The following EYA2 variants were observed in gnomAD, a reference collection of about 807,000 sequenced individuals.
EYA2 encodes the protein protein phosphatase EYA2.
Under a neutral mutation model 69.2 loss-of-function variants are expected in EYA2, and 31 were observed. The ratio of observed to expected loss-of-function variants is 0.45; its 90% CI spans 0.34 to 0.60. The LOEUF (loss-of-function observed/expected upper bound fraction) is 0.60. Among genes scored for constraint, EYA2 ranks in the 20% least tolerant of loss-of-function variants. EYA2 has a pLI of 0.02. For missense variants in EYA2, 622 were observed against 701.2 expected, an observed-to-expected ratio of 0.89 and a Z score of 1.28; for synonymous variants, 257 against 279.4, an observed-to-expected ratio of 0.92 and a Z score of 0.80.
intron 7 of EYA2, among the ~76,000 whole-genome samples, chr20:47,076,784 C>T (rs992286833): frequency 2.0e-5 from 3 of 152,178 alleles, no homozygotes; most frequent in Non-Finnish European, 4.4e-5. Context: ...TCTGAATTTT[C>T]CTGGGTTCGT....
At chr20:47,025,426 T>C (rs1984024220) in intron 5 of EYA2, among the ~76,000 whole-genome samples, 1 of 152,246 alleles carries the variant, frequency 6.6e-6, no homozygotes, top group African/African-American at 2.4e-5. Flanking sequence ...CTATGCACAC[T>C]CTTCTGCACT....
intron 5 of EYA2, among the ~76,000 whole-genome samples, chr20:47,067,426 C>A (rs1568757045): frequency 6.6e-6 from 1 of 151,994 alleles, no homozygotes. Flanking sequence ...AATGTACATT[C>A]TCAAATAACT....
At chr20:46,911,408 A>C (rs1255973008) in intron 1 of EYA2, among the ~76,000 whole-genome samples, 6 of 152,194 alleles carry the variant, frequency 3.9e-5, no homozygotes, top group African/African-American at 1.4e-4. Flanking sequence ...GTTCTTCTGC[A>C]TGGCACCCGG....
intron 9 of EYA2, among the ~76,000 whole-genome samples, chr20:47,099,573 AC>A (rs917067133): frequency 4.6e-5 from 7 of 152,206 alleles, no homozygotes; most frequent in Admixed American, 4.6e-4. Flanking sequence ...ACAAATGCTA[AC>A]TGTGGAAGGT....
chr20:47,152,057 A>G (rs2033833528), intron 10 of EYA2, among the ~76,000 whole-genome samples: 1 of 152,052 alleles, frequency 6.6e-6, no homozygotes, highest in Admixed American at 6.5e-5. Flanking sequence ...TTATCTGCAG[A>G]ACTCTAGAGG....
intron 9 of EYA2, among the ~76,000 whole-genome samples, chr20:47,098,930 C>T (rs921867922): frequency 3.3e-5 from 5 of 152,184 alleles, no homozygotes; most frequent in Admixed American, 1.3e-4. Context: ...TGTTTTTGGT[C>T]CTTGAACCTG....
intron 1 of EYA2, among the ~76,000 whole-genome samples, chr20:46,965,352 A>C (rs1979708533): frequency 6.6e-6 from 1 of 152,196 alleles, no homozygotes; most frequent in African/African-American, 2.4e-5. Flanking sequence ...TCGAATCCTT[A>C]ATCCCTTCTC....
At chr20:47,023,637 T>TTG (rs1555813787) in intron 5 of EYA2, among the ~76,000 whole-genome samples, 4 of 99,394 alleles carry the variant, frequency 4.0e-5, no homozygotes, top group Admixed American at 1.9e-4. Flanking sequence ...TGGGTGTTTT[T>TTG]TTTTTTTTTT....
intron 5 of EYA2, among the ~76,000 whole-genome samples, chr20:47,068,076 C>T (rs1281395175): frequency 6.6e-6 from 1 of 152,182 alleles, no homozygotes; most frequent in Non-Finnish European, 1.5e-5. Flanking sequence ...GCTTCACAGC[C>T]TACTAGCTTT....
At chr20:47,131,557 G>A (rs1322190964) in intron 9 of EYA2, among the ~76,000 whole-genome samples, 1 of 152,196 alleles carries the variant, frequency 6.6e-6, no homozygotes, top group Non-Finnish European at 1.5e-5. Flanking sequence ...TTGCAGCTGT[G>A]ATTATGTGTC....
intron 10 of EYA2, among the ~76,000 whole-genome samples, chr20:47,151,254 C>T (rs2033816748): frequency 6.6e-6 from 1 of 151,762 alleles, no homozygotes; most frequent in African/African-American, 2.4e-5. Context: ...ACCTGTAATC[C>T]CAGCTACTCG....
intron 9 of EYA2, among the ~76,000 whole-genome samples, chr20:47,111,244 C>A (rs1389457939): frequency 1.3e-5 from 2 of 152,174 alleles, no homozygotes; most frequent in Non-Finnish European, 2.9e-5. Flanking sequence ...TTATTTACTC[C>A]AACGGAAAAC....
intron 9 of EYA2, among the ~76,000 whole-genome samples, chr20:47,122,289 G>GTTTTTTTTT (rs1180670988): frequency 2.7e-5 from 3 of 110,870 alleles, no homozygotes; most frequent in African/African-American, 8.0e-5. Context: ...TATTTTCTTG[G>GTTTTTTTTT]TTTTTTTTTT....
At chr20:46,988,537 G>A (rs878522) in intron 1 of EYA2, among the ~76,000 whole-genome samples, 69,707 of 151,988 alleles carry the variant, frequency 0.46, 19,756 homozygotes, top group Non-Finnish European at 0.65. Flanking sequence ...TGCCAAGGAT[G>A]ACCTTATGAT....
intron 5 of EYA2, among the ~76,000 whole-genome samples, chr20:47,026,815 C>A (rs893077181): frequency 6.6e-6 from 1 of 152,194 alleles, no homozygotes; most frequent in African/African-American, 2.4e-5. Flanking sequence ...CATTGCTGCC[C>A]CTCTAGAATG....
In EYA2 at chr20:47,150,364, A is replaced by G. The variant is rs1031764580; in HGVS notation, c.978+7216A>G. Among the ~76,000 whole-genome samples, 3 of 152,224 alleles carry G rather than the reference A, an allele frequency of 2.0e-5. 1 individual carries two copies. In the South Asian group the frequency reaches 6.2e-4, roughly 32 times the overall value. On this transcript the variant is annotated intron_variant, in intron 10 of 15. Transcript: ENST00000327619. ...CTCATCAAAATAAAGAGGCTTAAGT[A>G]CAACACAGATCTGTTTCTCTCTCAT...
intron 10 of EYA2, among the ~76,000 whole-genome samples, chr20:47,154,393 T>G (rs1449376576): frequency 6.6e-6 from 1 of 151,994 alleles, no homozygotes; most frequent in African/African-American, 2.4e-5. Context: ...CATATGAATT[T>G]TGGGAGGAGA....
At chr20:46,999,678 G>A (rs999714232) in intron 2 of EYA2, among the ~76,000 whole-genome samples, 9 of 152,046 alleles carry the variant, frequency 5.9e-5, no homozygotes, top group Non-Finnish European at 1.0e-4. Context: ...CACCACCCCC[G>A]CCCCAACCCC....
intron 9 of EYA2, among the ~76,000 whole-genome samples, chr20:47,122,454 C>T (rs927088400): frequency 6.6e-5 from 10 of 151,910 alleles, no homozygotes; most frequent in South Asian, 4.2e-4. Flanking sequence ...CCACCGCACC[C>T]GGCTAATTTT....
Sources: allele counts gnomAD v4.1 joint callset (sites outside exome capture counted in the v4.1 genomes callset), GRCh38; gene constraint gnomAD v4.1.1; transcripts MANE v1.5; gene names NCBI Gene and HGNC (gene_info 2026-07-23, HGNC 2026-07-21).